Variants in SEPTIN14 observed in about 807,000 individuals in gnomAD.
The protein encoded by SEPTIN14 is septin-14.
Under a neutral mutation model 53.6 loss-of-function variants are expected in SEPTIN14, and 40 were observed. The observed-to-expected ratio is 0.75, with a 90% CI of 0.58 to 0.97. The LOEUF (loss-of-function observed/expected upper bound fraction) is 0.97, where lower values mean the gene tolerates loss of function less well. Among genes scored for constraint, SEPTIN14 ranks in the 50% least tolerant of loss-of-function variants. The probability of loss-of-function intolerance (pLI) is 0.00; values close to 1 mark genes in which losing one functional copy is unlikely to be tolerated. For missense variants in SEPTIN14, 471 were observed against 508.2 expected (o/e 0.93, Z 0.70); for synonymous variants, 138 against 166.8 (o/e 0.83, Z 1.33).
At chr7:55,821,213 C>T (rs11769274) in intron 6 of SEPTIN14, among the ~76,000 whole-genome samples, 30,971 of 151,998 alleles carry the variant, frequency 0.2, 4,107 homozygotes, top group East Asian at 0.43. Flanking sequence ...ATGCAGCAAA[C>T]AGAGAAGATG....
At position 55,834,431 on chromosome 7, in the gene SEPTIN14, T is replaced by G; in HGVS notation, c.714A>C (p.Ser238=). The G allele has an allele frequency of 6.2e-7, 1 of 1,608,098 alleles. No homozygotes were observed. Among genetic ancestry groups the G allele is most frequent in the Non-Finnish European group, 8.5e-7 (1 of 1,177,878 alleles). Reference sequence around the variant, plus strand: ...ATATGTTACTGAAACTTACACTAACTGAGGAGTTCGCTTGAGCAGCAGTTT... The same window carrying G: ...ATATGTTACTGAAACTTACACTAACGGAGGAGTTCGCTTGAGCAGCAGTTT... The part of the protein sequence containing the change: ...DEETAAQANS[S]VSGLLPFAVV... Residue 238 remains serine (S), a synonymous_variant, in exon 6 of 10, where the codon TCA becomes TCC. Transcript: ENST00000388975.
intron 2 of SEPTIN14, among the ~76,000 whole-genome samples, chr7:55,851,070 T>C (rs914152425): frequency 6.6e-6 from 1 of 152,068 alleles, no homozygotes; most frequent in African/African-American, 2.4e-5. Context: ...AGAGTGAAAC[T>C]CTTGTCTCAC....
chr7:55,832,044 A>G (rs1469569411), intron 6 of SEPTIN14, among the ~76,000 whole-genome samples: 1 of 152,140 alleles, frequency 6.6e-6, no homozygotes, highest in Admixed American at 6.6e-5. Context: ...TCTACCAAAA[A>G]TACAAAAATT....
rs553061226 is a variant in SEPTIN14, at chr7:55,810,511, G to C, written c.818-3253C>G. On this transcript the variant is annotated intron_variant, in intron 7 of 9. Transcript: ENST00000388975. ...TTTTTTTGAGGCAGAGTCTTGCTCT[G>C]TCACCCAGGCTGGAGTTCAATGGCA... Among the ~76,000 whole-genome samples, 6 of 124,202 alleles carry C rather than the reference G, an allele frequency of 4.8e-5. No homozygotes were observed. In the South Asian group the frequency reaches 9.9e-4, roughly 20 times the overall value. 81.5% of individuals were successfully genotyped at this position (124,202 alleles called of 152,430 possible). A position where few individuals can be genotyped will look rare whatever the true frequency, so the allele number is the denominator to read the frequency against.
intron 7 of SEPTIN14, chr7:55,811,348 C>T (rs530065343): frequency 2.0e-5 from 10 of 504,378 alleles, no homozygotes; most frequent in African/African-American, 3.9e-5. Context: ...AGAAAGGAGG[C>T]GAGCTTCCAC....
At chr7:55,846,048 C>CA (rs1297896768) in intron 3 of SEPTIN14, among the ~76,000 whole-genome samples, 112 of 9,538 alleles carry the variant, frequency 0.012, 6 homozygotes, top group Admixed American at 0.022. Flanking sequence ...GACTCCGTCT[C>CA]AGAAAAAAAA....
intron 9 of SEPTIN14, among the ~76,000 whole-genome samples, chr7:55,799,234 A>T (rs28611329): frequency 4.6e-5 from 7 of 150,860 alleles, no homozygotes; most frequent in African/African-American, 1.7e-4. Context: ...GGCTGGGCGC[A>T]GTGGCTCATG....
chr7:55,819,281 T>C, intron 6 of SEPTIN14, 58 bp from the exon 7 acceptor site: 1 of 1,188,572 alleles, frequency 8.4e-7, no homozygotes, highest in East Asian at 2.5e-5. Flanking sequence ...CTTACTCTAT[T>C]ACTCTCATTC....
intron 6 of SEPTIN14, among the ~76,000 whole-genome samples, chr7:55,822,143 G>C (rs1788906491): frequency 6.6e-6 from 1 of 152,154 alleles, no homozygotes; most frequent in Non-Finnish European, 1.5e-5. Context: ...TGGGAGATAT[G>C]ATTCAAGTTG....
At chr7:55,811,100 G>C (rs536965707) in intron 7 of SEPTIN14, 33 of 468,050 alleles carry the variant, frequency 7.1e-5, no homozygotes, top group African/African-American at 6.4e-4. Flanking sequence ...CAGATGTCAG[G>C]GGTGTTTGAA....
At chr7:55,830,991 A>G (rs1384739903) in intron 6 of SEPTIN14, among the ~76,000 whole-genome samples, 1 of 152,146 alleles carries the variant, frequency 6.6e-6, no homozygotes, top group Non-Finnish European at 1.5e-5. Flanking sequence ...CACTAACTAA[A>G]GCAATGTACA....
At chr7:55,814,384 CAT>C in intron 7 of SEPTIN14, among the ~76,000 whole-genome samples, 1 of 152,132 alleles carries the variant, frequency 6.6e-6, no homozygotes, top group Non-Finnish European at 1.5e-5. Context: ...ATCCCAATCA[CAT>C]ATCTCAGGAC....
At chr7:55,852,668 CA>C (rs1789540266) in intron 2 of SEPTIN14, among the ~76,000 whole-genome samples, 2 of 151,926 alleles carry the variant, frequency 1.3e-5, no homozygotes, top group African/African-American at 4.8e-5. Flanking sequence ...CACAGGAAAC[CA>C]AAGCAAAAAT....
chr7:55,846,110 G>A (rs1175911572), intron 3 of SEPTIN14, among the ~76,000 whole-genome samples: 1 of 85,564 alleles, frequency 1.2e-5, no homozygotes, highest in Non-Finnish European at 2.6e-5. Flanking sequence ...TGCTAGCCCT[G>A]ATTCTCTCAG....
At chr7:55,798,583 C>A in intron 9 of SEPTIN14, 1 of 379,874 alleles carries the variant, frequency 2.6e-6, no homozygotes, top group South Asian at 2.2e-5. Context: ...AGGATGGACG[C>A]AGCCCCAACA....
At chr7:55,857,490 G>GAGGGAGGGGA (rs1789656989) in intron 2 of SEPTIN14, among the ~76,000 whole-genome samples, 1 of 71,446 alleles carries the variant, frequency 1.4e-5, no homozygotes, top group Admixed American at 1.5e-4. Context: ...GAGGGGAGGG[G>GAGGGAGGGGA]AGGGAAGGGA....
chr7:55,855,793 C>T (rs1562721642), intron 2 of SEPTIN14, among the ~76,000 whole-genome samples: 1 of 151,986 alleles, frequency 6.6e-6, no homozygotes, highest in Admixed American at 6.6e-5. Context: ...ACCTCGTGAT[C>T]CACCCACCTC....
chr7:55,805,125 A>C, intron 9 of SEPTIN14, 133 bp downstream of exon 9: 1 of 719,686 alleles, frequency 1.4e-6, no homozygotes, highest in African/African-American at 1.8e-5. Context: ...TCAAGTCTAC[A>C]TGGTAAAAAG....
intron 6 of SEPTIN14, among the ~76,000 whole-genome samples, chr7:55,828,398 G>A (rs985976944): frequency 1.3e-5 from 2 of 148,654 alleles, no homozygotes; most frequent in East Asian, 2.0e-4. Flanking sequence ...TCCACCTCCC[G>A]GGTTCACACC....
Sources: allele counts gnomAD v4.1 joint callset (sites outside exome capture counted in the v4.1 genomes callset), GRCh38; gene constraint gnomAD v4.1.1; transcripts MANE v1.5; gene names NCBI Gene and HGNC (gene_info 2026-07-23, HGNC 2026-07-21).